Variants in SLC27A1 observed in about 807,000 individuals in gnomAD.
SLC27A1 encodes the protein solute carrier family 27 member 1.
In SLC27A1, 61 loss-of-function variants were observed where a neutral mutation model predicts 62.2. The observed-to-expected ratio is 0.98, with a 90% confidence interval of 0.80 to 1.21. The LOEUF (loss-of-function observed/expected upper bound fraction) is 1.21, where lower values mean the gene tolerates loss of function less well. Among genes scored for constraint, SLC27A1 ranks in the 50% most tolerant of loss-of-function variants. The pLI is 0.00. For missense variants in SLC27A1, 903 were observed against 932.1 expected (o/e 0.97, Z 0.41); for synonymous variants, 435 against 408.6 (o/e 1.06, Z -0.78).
intron 6 of SLC27A1, among the ~76,000 whole-genome samples, 179 bp downstream of exon 6, chr19:17,489,296 C>T (rs1025172199): frequency 6.6e-6 from 1 of 152,124 alleles, no homozygotes; most frequent in Admixed American, 6.6e-5. Flanking sequence ...GCTCTATTCC[C>T]TTAACTCCCT....
chr19:17,497,441 A>G lies in SLC27A1; in HGVS notation c.1183A>G (p.Ser395Gly). 1.9e-6 allele frequency: 3 copies of G among 1,608,182 alleles called. No individual in the cohort carries two copies. Among genetic ancestry groups the G allele is most frequent in the Non-Finnish European group, 2.5e-6 (3 of 1,178,094 alleles). ...CTACGGCGCCACCGAGTGCAACTGC[A>G]GCATTGCCAACATGGACGGCAAGGT... ...EFYGATECNC[S>G]IANMDGKVGS... is the part of the protein sequence containing the mutation. Residue 395 changes from serine (S) to glycine (G), a missense_variant, in exon 7 of 12, where the codon AGC (serine) becomes GGC (glycine). Transcript: ENST00000252595.
intron 1 of SLC27A1, among the ~76,000 whole-genome samples, chr19:17,481,499 A>G (rs1026488941): frequency 3.5e-4 from 53 of 151,492 alleles, no homozygotes; most frequent in African/African-American, 1.2e-3. Flanking sequence ...ACATTTTTTA[A>G]AAATGATTTT....
chr19:17,483,222 G>C (rs1473869599), intron 1 of SLC27A1, among the ~76,000 whole-genome samples: 1 of 152,200 alleles, frequency 6.6e-6, no homozygotes, highest in African/African-American at 2.4e-5. Context: ...GATGGGGAGA[G>C]TGAAGGTGAC....
chr19:17,493,027 G>T (rs2075310131), intron 6 of SLC27A1, among the ~76,000 whole-genome samples: 1 of 151,820 alleles, frequency 6.6e-6, no homozygotes, highest in African/African-American at 2.4e-5. Context: ...GGAGGCTGAG[G>T]CAGGAGAATC....
In SLC27A1 at chr19:17,502,335, G is replaced by GTTTTTTTTTTTTTTTTTTTTTT. The variant is rs1175394305; in HGVS notation, c.1783+924_1783+925insTTTTTTTTTTTTTTTTTTTTTT. Reference sequence around the variant, plus strand: ...CTGCCACTAAGCATTCTGAAATAGTGTTTTTTTTGTTTTTTTTTTTTTTTT... The same window carrying GTTTTTTTTTTTTTTTTTTTTTT: ...CTGCCACTAAGCATTCTGAAATAGTGTTTTTTTTTTTTTTTTTTTTTTTTTTTTTTGTTTTTTTTTTTTTTTT... On this transcript the variant is annotated intron_variant, in intron 11 of 11. Coordinates refer to ENST00000252595, the MANE Select transcript of SLC27A1 (RefSeq NM_198580.3). Among the ~76,000 whole-genome samples the GTTTTTTTTTTTTTTTTTTTTTT allele has an allele frequency of 1.2e-4, 9 of 75,902 alleles. 4 individuals are homozygous for GTTTTTTTTTTTTTTTTTTTTTT. The highest frequency in any genetic ancestry group is 2.2e-4 in the Non-Finnish European group (9 of 40,078). 49.8% of individuals were successfully genotyped at this position (75,902 alleles called of 152,430 possible).
rs569113552 is a variant in SLC27A1, at chr19:17,483,614, G to A, written c.168-2949G>A. Among the ~76,000 whole-genome samples, 43 of 152,116 alleles carry A rather than the reference G, an allele frequency of 2.8e-4. No homozygotes were observed. In the South Asian group the frequency reaches 7.3e-3, roughly 26 times the overall value. On this transcript the variant is annotated intron_variant, in intron 1 of 11. Transcript: ENST00000252595. ...CTGGACCTTTGTTTTTAGAAATTGCGGATGCTCTCCCCCAACAGACCCCGG... is the reference window on the plus strand; with the variant it reads ...CTGGACCTTTGTTTTTAGAAATTGCAGATGCTCTCCCCCAACAGACCCCGG...
At chr19:17,483,374 C>T (rs1422319859) in intron 1 of SLC27A1, among the ~76,000 whole-genome samples, 1 of 151,954 alleles carries the variant, frequency 6.6e-6, no homozygotes, top group Non-Finnish European at 1.5e-5. Flanking sequence ...GGAAGGTTTC[C>T]TGAGGGAGGC....
Position 17,500,613 on chromosome 19 carries a change from C to G in SLC27A1, c.1452C>G (p.Gly484=). ...KKIAHSVFSK[G]DSAYLSGDVL... Reference sequence around the variant, plus strand: ...TCGCCCACAGCGTCTTCAGCAAGGGCGACAGCGCCTACCTCTCAGGTGCGC... The same window carrying G: ...TCGCCCACAGCGTCTTCAGCAAGGGGGACAGCGCCTACCTCTCAGGTGCGC... Residue 484 remains glycine (G), a synonymous_variant, in exon 9 of 12, where the codon GGC becomes GGG. Coordinates refer to ENST00000252595, the MANE Select transcript of SLC27A1 (RefSeq NM_198580.3). 1.2e-6 allele frequency: 2 copies of G among 1,613,730 alleles called. No homozygotes were observed. Among genetic ancestry groups the G allele is most frequent in the South Asian group, 2.2e-5 (2 of 91,070 alleles).
intron 10 of SLC27A1, 112 bp from the exon 11 acceptor site, chr19:17,501,161 G>A: frequency 6.9e-7 from 1 of 1,446,244 alleles, no homozygotes; most frequent in Non-Finnish European, 9.3e-7. Context: ...GTCATCCCAG[G>A]TTGGGAGAGA....
chr19:17,472,863 C>T (rs1568408499), intron 1 of SLC27A1, among the ~76,000 whole-genome samples: 1 of 152,040 alleles, frequency 6.6e-6, no homozygotes, highest in Non-Finnish European at 1.5e-5. Context: ...CTCTGTTGCC[C>T]AGGGTGGACC....
chr19:17,492,507 T>C (rs755350524), intron 6 of SLC27A1: 3 of 150,928 alleles, frequency 2.0e-5, no homozygotes, highest in Non-Finnish European at 2.9e-5. Context: ...TCCCAGTTAT[T>C]TGGGAGGCTG....
Position 17,505,786 on chromosome 19 carries a change from T to A in SLC27A1, c.*1174T>A, listed in dbSNP as rs1231248377. 6.6e-6 allele frequency: 1 copy of A among 152,276 alleles called. No homozygotes were observed. The highest frequency in any genetic ancestry group is 1.9e-4 in the East Asian group (1 of 5,192). 9.4% of individuals were successfully genotyped at this position (152,276 alleles called of 1,614,324 possible). A position where few individuals can be genotyped will look rare whatever the true frequency, so the allele number is the denominator to read the frequency against. ...TCCCACAGGAGAGGCAGCAGAGGGG[T>A]CAGGGGAGGTCTCCTGCCGGGGGTT... On this transcript the variant is annotated 3_prime_UTR_variant, in exon 12 of 12. Coordinates refer to ENST00000252595, the MANE Select transcript of SLC27A1 (RefSeq NM_198580.3).
intron 1 of SLC27A1, among the ~76,000 whole-genome samples, chr19:17,473,511 G>A (rs1401307238): frequency 6.6e-6 from 1 of 152,288 alleles, no homozygotes; most frequent in Admixed American, 6.5e-5. Flanking sequence ...GGGCTACAAT[G>A]ACATTTTGGC....
In SLC27A1 at chr19:17,489,133, G is replaced by T. The variant is rs1012300882; in HGVS notation, c.996+16G>T. 3.1e-6 allele frequency: 5 copies of T among 1,609,364 alleles called. No individual in the cohort carries two copies. The highest frequency in any genetic ancestry group is 1.7e-5 in the Admixed American group (1 of 59,534). On this transcript the variant is annotated intron_variant, in intron 6 of 11. Coordinates refer to ENST00000252595, the MANE Select transcript of SLC27A1 (RefSeq NM_198580.3). ...CAACTGCACGGTCAGGCCCTGCCCT[G>T]TTCTGTCTAGACCCCGCCCCTCCCA...
At chr19:17,482,929 C>G (rs1360488402) in intron 1 of SLC27A1, among the ~76,000 whole-genome samples, 3 of 152,032 alleles carry the variant, frequency 2.0e-5, no homozygotes, top group African/African-American at 7.3e-5. Flanking sequence ...TAGAGATGCA[C>G]AGATGCACAG....
intron 2 of SLC27A1, 99 bp downstream of exon 2, chr19:17,487,056 T>C: frequency 2.6e-6 from 4 of 1,560,572 alleles, no homozygotes; most frequent in Non-Finnish European, 3.5e-6. Context: ...GCGGCCGCCC[T>C]GGACGTGGGC....
Position 17,489,116 on chromosome 19 carries a change from C to A in SLC27A1, c.995C>A (p.Thr332Lys). Residue 332 changes from threonine (T) to lysine (K), a missense_variant and splice_region_variant, in exon 6 of 12, where the codon ACG (threonine) becomes AAG (lysine). Thr to Lys is a moderately conservative substitution (Grantham distance 78). Transcript: ENST00000252595. ...GACGACTGCATCAAGTACAACTGCA[C>A]GGTCAGGCCCTGCCCTGTTCTGTCT... ...FWDDCIKYNC[T>K]VVQYIGEICR... 2.5e-6 allele frequency: 4 copies of A among 1,613,624 alleles called. No individual in the cohort carries two copies. Among genetic ancestry groups the A allele is most frequent in the Non-Finnish European group, 3.4e-6 (4 of 1,179,638 alleles).
At chr19:17,475,474 G>T (rs1190509783) in intron 1 of SLC27A1, among the ~76,000 whole-genome samples, 1 of 152,170 alleles carries the variant, frequency 6.6e-6, no homozygotes, top group Non-Finnish European at 1.5e-5. Flanking sequence ...GGTCAAGGCT[G>T]CAGTGAGCCA....
At position 17,494,910 on chromosome 19, in the gene SLC27A1, C is replaced by T. The variant is rs146041788; in HGVS notation, c.997-2345C>T. On this transcript the variant is annotated intron_variant, in intron 6 of 11. Transcript: ENST00000252595. ...TGCGGATGGCACATCTGGTCCTCAC[C>T]GGTTTTTCACGGTCTATTTAGATCA... Among the ~76,000 whole-genome samples, 405 of 151,434 alleles carry T rather than the reference C, an allele frequency of 2.7e-3. 3 individuals carry two copies. Among genetic ancestry groups the T allele is most frequent in the African/African-American group, 9.2e-3 (380 of 41,172 alleles).
Sources: gnomAD v4.1 joint callset for allele counts (sites outside exome capture counted in the v4.1 genomes callset) on GRCh38, gnomAD v4.1.1 for gene constraint, MANE v1.5 for transcripts, NCBI Gene and HGNC (gene_info 2026-07-23, HGNC 2026-07-21) for gene names.